The following VPS13B variants were observed in gnomAD, a reference collection of about 807,000 sequenced individuals.
VPS13B encodes intermembrane lipid transfer protein VPS13B.
A neutral mutation model predicts 426.4 loss-of-function variants in VPS13B; 285 were observed. That is an observed-to-expected ratio of 0.67 (90% CI 0.61 to 0.74). VPS13B has a LOEUF of 0.74. Among genes scored for constraint, VPS13B ranks in the 30% least tolerant of loss-of-function variants. The pLI, the probability that VPS13B is intolerant of heterozygous loss-of-function variation, is 0.00. For missense variants in VPS13B, 4,537 were observed against 4,782.6 expected (o/e 0.95, Z 1.51); for synonymous variants, 1,676 against 1,676.4 (o/e 1.00, Z 0.01).
At chr8:99,084,703 T>C (rs914108500) in intron 3 of VPS13B, among the ~76,000 whole-genome samples, 4 of 152,208 alleles carry the variant, frequency 2.6e-5, no homozygotes, top group African/African-American at 9.6e-5. Context: ...GCCTTCATTT[T>C]GTTATGTAGC....
chr8:99,037,370 GTAT>G (rs763426390), intron 2 of VPS13B, among the ~76,000 whole-genome samples: 9 of 151,950 alleles, frequency 5.9e-5, no homozygotes, highest in Non-Finnish European at 8.8e-5. Context: ...GAGGAAGGTA[GTAT>G]TCTAAGCTTT....
chr8:99,657,369 T>C (rs1830057355), intron 34 of VPS13B, among the ~76,000 whole-genome samples: 1 of 152,144 alleles, frequency 6.6e-6, no homozygotes, highest in African/African-American at 2.4e-5. Flanking sequence ...TTATAAATGC[T>C]TGGTAAATAG....
At chr8:99,638,052 A>G (rs1829140941) in intron 33 of VPS13B, among the ~76,000 whole-genome samples, 1 of 152,094 alleles carries the variant, frequency 6.6e-6, no homozygotes, top group South Asian at 2.1e-4. Flanking sequence ...CTAGTTGGTA[A>G]TATATTTGGA....
chr8:99,833,579 A>G (rs938618398), intron 52 of VPS13B, among the ~76,000 whole-genome samples: 7 of 152,210 alleles, frequency 4.6e-5, no homozygotes, highest in African/African-American at 1.7e-4. Context: ...TTGATTTTAC[A>G]AACATTTGTC....
chr8:99,351,944 C>T (rs1811917819), intron 19 of VPS13B, among the ~76,000 whole-genome samples: 1 of 151,938 alleles, frequency 6.6e-6, no homozygotes, highest in African/African-American at 2.4e-5. Flanking sequence ...ATTAATAAAT[C>T]AGTGTGGTAG....
At chr8:99,801,935 A>G (rs1295388371) in intron 43 of VPS13B, among the ~76,000 whole-genome samples, 3 of 152,156 alleles carry the variant, frequency 2.0e-5, no homozygotes, top group Non-Finnish European at 2.9e-5. Flanking sequence ...AGATTGCTTG[A>G]GTTCAGAAGT....
chr8:99,757,950 A>G (rs774727625), intron 39 of VPS13B, among the ~76,000 whole-genome samples: 8 of 152,190 alleles, frequency 5.3e-5, no homozygotes, highest in African/African-American at 9.6e-5. Context: ...AGTGAAACCA[A>G]TTTACTTGTT....
chr8:99,116,063 T>C (rs954488219), intron 7 of VPS13B, among the ~76,000 whole-genome samples, 189 bp downstream of exon 7: 3 of 152,224 alleles, frequency 2.0e-5, no homozygotes, highest in African/African-American at 7.2e-5. Context: ...AGACTAGCTC[T>C]GTTGCCTGGG....
At chr8:99,400,118 A>G (rs1437965019) in intron 21 of VPS13B, among the ~76,000 whole-genome samples, 1 of 152,168 alleles carries the variant, frequency 6.6e-6, no homozygotes, top group African/African-American at 2.4e-5. Flanking sequence ...ATTTTCTCAG[A>G]AGAGAAAGCT....
At chr8:99,779,972 T>A (rs908612306) in intron 42 of VPS13B, among the ~76,000 whole-genome samples, 1 of 152,200 alleles carries the variant, frequency 6.6e-6, no homozygotes, top group African/African-American at 2.4e-5. Flanking sequence ...GTTCTCTAAC[T>A]TAAGAATTTG....
intron 12 of VPS13B, 123 bp from the exon 13 acceptor site, chr8:99,142,851 C>G: frequency 2.1e-6 from 2 of 932,248 alleles, no homozygotes; most frequent in East Asian, 2.6e-5. Flanking sequence ...CTGTATGCAG[C>G]TGATTGGGAA....
In VPS13B at chr8:99,463,859, A is replaced by AT. The variant is rs539965748; in HGVS notation, c.3446-3548dup. 1.8e-4 allele frequency among the ~76,000 whole-genome samples: 28 copies of AT among 151,874 alleles called. No individual in the cohort carries two copies. The East Asian group carries it at 4.3e-3, about 23-fold the overall frequency. On this transcript the variant is annotated intron_variant, in intron 23 of 61. Transcript: ENST00000357162. ...AGGCGTGCACCACCATGTCTGGCTAATTTTTTTGTATTTTTAGTAGAGACA... is the reference window on the plus strand; with the variant it reads ...AGGCGTGCACCACCATGTCTGGCTAATTTTTTTTGTATTTTTAGTAGAGACA...
intron 2 of VPS13B, among the ~76,000 whole-genome samples, chr8:99,024,981 T>A (rs1050985694): frequency 6.6e-6 from 1 of 151,272 alleles, no homozygotes; most frequent in Admixed American, 6.6e-5. Context: ...TGTCCTGTCA[T>A]TTTTTTTTGT....
At chr8:99,260,680 A>G (rs1817993304) in intron 17 of VPS13B, among the ~76,000 whole-genome samples, 1 of 152,000 alleles carries the variant, frequency 6.6e-6, no homozygotes, top group East Asian at 1.9e-4. Flanking sequence ...TTTGAAGTCC[A>G]CATACAATCT....
chr8:99,462,358 C>G (rs1414600911), intron 23 of VPS13B, among the ~76,000 whole-genome samples: 1 of 151,408 alleles, frequency 6.6e-6, no homozygotes, highest in Admixed American at 6.6e-5. Context: ...TTTTTTTATT[C>G]TTGACATCAT....
intron 19 of VPS13B, among the ~76,000 whole-genome samples, chr8:99,339,079 A>T (rs1253144917): frequency 6.6e-6 from 1 of 152,234 alleles, no homozygotes; most frequent in Non-Finnish European, 1.5e-5. Flanking sequence ...TACTTTTAGT[A>T]TACATATGTA....
At chr8:99,356,206 T>TGA (rs1453061416) in intron 19 of VPS13B, among the ~76,000 whole-genome samples, 1 of 152,222 alleles carries the variant, frequency 6.6e-6, no homozygotes, top group Non-Finnish European at 1.5e-5. Context: ...TATACCTTTG[T>TGA]GACTATGTTT....
At chr8:99,091,014 A>G (rs1024776376) in intron 3 of VPS13B, among the ~76,000 whole-genome samples, 3 of 152,216 alleles carry the variant, frequency 2.0e-5, no homozygotes, top group Non-Finnish European at 2.9e-5. Flanking sequence ...AAGGAATGTC[A>G]TAGGTAGCAA....
intron 19 of VPS13B, among the ~76,000 whole-genome samples, chr8:99,308,278 C>T (rs889608128): frequency 2.2e-4 from 33 of 151,986 alleles, no homozygotes; most frequent in Non-Finnish European, 7.4e-5. Flanking sequence ...GTGCTGCACC[C>T]ATTAACTCGT....
Sources: gnomAD v4.1 joint callset for allele counts (sites outside exome capture counted in the v4.1 genomes callset) on GRCh38, gnomAD v4.1.1 for gene constraint, MANE v1.5 for transcripts, NCBI Gene and HGNC (gene_info 2026-07-23, HGNC 2026-07-21) for gene names.